The following TNRC6C variants were observed in gnomAD, a reference collection of about 807,000 sequenced individuals.
TNRC6C encodes the protein trinucleotide repeat containing adaptor 6C, also known as trinucleotide repeat-containing gene 6C protein.
A neutral mutation model predicts 153.7 loss-of-function variants in TNRC6C; 20 were observed. The observed-to-expected ratio is 0.13, with a 90% CI of 0.09 to 0.19. TNRC6C has a LOEUF of 0.19. Ranked by LOEUF, TNRC6C falls within the 10% of genes least tolerant of loss-of-function variation. The probability of loss-of-function intolerance (pLI) is 1.00; values close to 1 mark genes in which losing one functional copy is unlikely to be tolerated. For synonymous variants in TNRC6C, 811 were observed against 841.4 expected (o/e 0.96, Z 0.63); for missense variants, 1,987 against 2,172.0 (o/e 0.91, Z 1.69).
chr17:78,059,838 C>A (rs1187796126), intron 3 of TNRC6C, among the ~76,000 whole-genome samples: 2 of 147,662 alleles, frequency 1.4e-5, no homozygotes, highest in African/African-American at 2.5e-5. Context: ...CAACAGGAGA[C>A]CCTGTCTCAA....
At chr17:78,046,837 CCTT>C (rs1291298785) in intron 2 of TNRC6C, among the ~76,000 whole-genome samples, 1 of 152,184 alleles carries the variant, frequency 6.6e-6, no homozygotes, top group East Asian at 1.9e-4. Flanking sequence ...ATAATGCTAT[CCTT>C]CTTTCAAACG....
chr17:77,986,761 A>G (rs959179963), intron 1 of TNRC6C, among the ~76,000 whole-genome samples: 2 of 152,206 alleles, frequency 1.3e-5, no homozygotes, highest in African/African-American at 4.8e-5. Flanking sequence ...CCCATCTGTT[A>G]TACATGAATT....
intron 1 of TNRC6C, among the ~76,000 whole-genome samples, chr17:77,996,625 A>G (rs2071332892): frequency 6.6e-6 from 1 of 152,224 alleles, no homozygotes; most frequent in Non-Finnish European, 1.5e-5. Flanking sequence ...TCAAGAGGGC[A>G]TACCTCACAG....
rs1471566771 is a variant in TNRC6C, at chr17:78,060,509, G to A, written c.2396-4213G>A. ...TTTTTTGAGACAGAGTCTTAACTCT[G>A]TCGCCCAGGCTGGAGTGCAGTGGCA... is the stretch of plus-strand genomic sequence containing the variant. On this transcript the variant is annotated intron_variant, in intron 3 of 19. Coordinates refer to ENST00000301624, the Ensembl canonical transcript of TNRC6C. 2.6e-5 allele frequency among the ~76,000 whole-genome samples: 3 copies of A among 117,218 alleles called. 1 individual carries two copies. The highest frequency in any genetic ancestry group is 1.0e-4 in the African/African-American group (3 of 29,648). 76.9% of individuals were successfully genotyped at this position (117,218 alleles called of 152,430 possible). A position where few individuals can be genotyped will look rare whatever the true frequency, so the allele number is the denominator to read the frequency against.
At chr17:77,973,315 AT>A (rs2070955602) in intron 1 of TNRC6C, among the ~76,000 whole-genome samples, 2 of 152,228 alleles carry the variant, frequency 1.3e-5, no homozygotes, top group African/African-American at 4.8e-5. Context: ...CTTTCAACAA[AT>A]TAGGTATAAA....
intron 13 of TNRC6C, among the ~76,000 whole-genome samples, chr17:78,088,363 T>G (rs928714587): frequency 7.9e-5 from 12 of 152,274 alleles, no homozygotes; most frequent in Admixed American, 5.9e-4. Flanking sequence ...TTGGGCAACT[T>G]GCCTAGCTGC....
At chr17:78,090,478 A>G (rs145318852) in intron 13 of TNRC6C, among the ~76,000 whole-genome samples, 50 of 152,280 alleles carry the variant, frequency 3.3e-4, no homozygotes, top group African/African-American at 1.2e-3. Flanking sequence ...GTAAGGACCT[A>G]TGGGGTATGT....
At chr17:77,989,729 C>G (rs1424893690) in intron 1 of TNRC6C, among the ~76,000 whole-genome samples, 1 of 152,142 alleles carries the variant, frequency 6.6e-6, no homozygotes. Context: ...CATTGTGTGG[C>G]CAGTTATTAA....
At chr17:77,984,476 C>G (rs1386927122) in intron 1 of TNRC6C, among the ~76,000 whole-genome samples, 1 of 152,118 alleles carries the variant, frequency 6.6e-6, no homozygotes, top group Non-Finnish European at 1.5e-5. Flanking sequence ...TGTGGTTGCA[C>G]CACTGCACCC....
chr17:78,020,502 G>A (rs1045849454), intron 1 of TNRC6C, among the ~76,000 whole-genome samples: 4 of 152,136 alleles, frequency 2.6e-5, no homozygotes, highest in Admixed American at 6.5e-5. Flanking sequence ...TATGAAAACA[G>A]GTAATTATTT....
At chr17:78,059,382 G>A (rs941002904) in intron 3 of TNRC6C, among the ~76,000 whole-genome samples, 2 of 152,184 alleles carry the variant, frequency 1.3e-5, no homozygotes, top group Non-Finnish European at 2.9e-5. Flanking sequence ...GAGGGGTTTG[G>A]TAAGTGGGGC....
intron 4 of TNRC6C, 117 bp downstream of exon 6, chr17:78,065,054 A>C: frequency 8.1e-7 from 1 of 1,228,764 alleles, no homozygotes; most frequent in Non-Finnish European, 1.1e-6. Context: ...TTTAACTACA[A>C]ACCAAGAGTC....
intron 2 of TNRC6C, among the ~76,000 whole-genome samples, chr17:78,046,855 A>G (rs1442408233): frequency 6.6e-6 from 1 of 152,234 alleles, no homozygotes; most frequent in African/African-American, 2.4e-5. Flanking sequence ...CAAACGTGTC[A>G]TATAATTGAG....
chr17:78,055,001 A>G (rs766180867), intron 3 of TNRC6C, among the ~76,000 whole-genome samples: 2 of 152,174 alleles, frequency 1.3e-5, no homozygotes, highest in Non-Finnish European at 2.9e-5. Flanking sequence ...ACTGCGGACT[A>G]CTGTACACCA....
chr17:78,072,968 T>C (rs559053813), intron 6 of TNRC6C, 69 bp from the exon 9 acceptor site: 1 of 1,189,196 alleles, frequency 8.4e-7, no homozygotes, highest in East Asian at 2.6e-5. Flanking sequence ...TTGATAGTGA[T>C]TAAATTGTTT....
intron 1 of TNRC6C, among the ~76,000 whole-genome samples, chr17:77,960,153 G>C (rs150736281): frequency 2.2e-4 from 33 of 152,306 alleles, no homozygotes; most frequent in African/African-American, 7.7e-4. Flanking sequence ...AATTAGTGGA[G>C]TTGTCTCAAA....
chr17:78,095,041 C>T (rs769140667), intron 16 of TNRC6C, among the ~76,000 whole-genome samples: 9 of 152,164 alleles, frequency 5.9e-5, no homozygotes, highest in Non-Finnish European at 1.2e-4. Context: ...CAGGGTTGTG[C>T]CAGACAGGAA....
intron 17 of TNRC6C, among the ~76,000 whole-genome samples, chr17:78,100,417 C>T (rs956184751): frequency 3.9e-5 from 6 of 152,262 alleles, no homozygotes; most frequent in African/African-American, 1.4e-4. Flanking sequence ...CACTTCTGTG[C>T]ACCCAGAGTC....
chr17:77,985,170 T>C (rs1457917713), intron 1 of TNRC6C, among the ~76,000 whole-genome samples: 1 of 152,240 alleles, frequency 6.6e-6, no homozygotes, highest in Non-Finnish European at 1.5e-5. Context: ...TGATCAGTGT[T>C]ACTTCATAAG....
Sources: allele counts gnomAD v4.1 joint callset (sites outside exome capture counted in the v4.1 genomes callset), GRCh38; gene constraint gnomAD v4.1.1; transcripts MANE v1.5; gene names NCBI Gene and HGNC (gene_info 2026-07-23, HGNC 2026-07-21).